Variants in CD99 observed in about 807,000 individuals in gnomAD.
CD99 encodes the protein CD99 molecule (Xg blood group).
In CD99, 19 loss-of-function variants were observed where a neutral mutation model predicts 28.4. The observed-to-expected ratio is 0.67, with a 90% CI of 0.47 to 0.98. The LOEUF is 0.98. Ranked by LOEUF, CD99 falls within the 50% of genes least tolerant of loss-of-function variation. The probability of loss-of-function intolerance (pLI) is 0.00; values close to 1 mark genes in which losing one functional copy is unlikely to be tolerated. For missense variants in CD99, 283 were observed against 248.8 expected (o/e 1.14, Z -0.92); for synonymous variants, 103 against 92.1 (o/e 1.12, Z -0.67).
intron 3 of CD99, among the ~76,000 whole-genome samples, chrX:2,718,369 CT>C (rs750689789): frequency 1.6e-3 from 218 of 136,884 alleles, no homozygotes; most frequent in Admixed American, 2.2e-3. Flanking sequence ...TTCTTTCTTT[CT>C]TTTTTTTTTT....
At chrX:2,739,745 T>C (rs1399241227) in intron 9 of CD99, among the ~76,000 whole-genome samples, 2 of 149,944 alleles carry the variant, frequency 1.3e-5, no homozygotes, top group African/African-American at 4.9e-5. Flanking sequence ...TGAGCCACCG[T>C]GCCTGGCATT....
At chrX:2,710,722 T>C (rs948151823) in intron 1 of CD99, among the ~76,000 whole-genome samples, 38 of 152,210 alleles carry the variant, frequency 2.5e-4, no homozygotes, top group African/African-American at 8.9e-4. Context: ...AAGTCACGTC[T>C]ACCGCTGAGG....
chrX:2,704,945 G>A (rs2048048883), intron 1 of CD99, among the ~76,000 whole-genome samples: 1 of 152,062 alleles, frequency 6.6e-6, no homozygotes, highest in Non-Finnish European at 1.5e-5. Context: ...GAACTCCTGG[G>A]CTCAAGCAAT....
rs778599932 is a variant in CD99 at position 2,720,431 on chromosome X, G to A, written c.262+7G>A. On this transcript the variant is annotated splice_region_variant and intron_variant, in intron 5 of 9. Coordinates refer to ENST00000381192, the MANE Select transcript of CD99 (RefSeq NM_002414.5). ...AACCACCCTAGTTCCTCCGGTAAGA[G>A]TCTCTGACCCTGTGGGATGTCTTCA... 5 of 1,613,082 alleles carry A rather than the reference G, an allele frequency of 3.1e-6. No individual in the cohort carries two copies. In the Admixed American group the frequency reaches 8.3e-5, roughly 27 times the overall value.
At chrX:2,699,972 G>A (rs1414496836) in intron 1 of CD99, among the ~76,000 whole-genome samples, 2 of 152,174 alleles carry the variant, frequency 1.3e-5, no homozygotes, top group Non-Finnish European at 2.9e-5. Flanking sequence ...TATTTCTCAT[G>A]GGCCTTTTGT....
chrX:2,709,936 A>G (rs2048323255), intron 1 of CD99, among the ~76,000 whole-genome samples: 1 of 152,168 alleles, frequency 6.6e-6, no homozygotes, highest in South Asian at 2.1e-4. Context: ...CCAGGGACAG[A>G]TGCAAAAACC....
intron 8 of CD99, among the ~76,000 whole-genome samples, chrX:2,736,058 T>C (rs5982843): frequency 0.024 from 3,582 of 151,518 alleles, 113 homozygotes; most frequent in Middle Eastern, 0.075. Flanking sequence ...AAAAATTAGC[T>C]GGGCATGGTG....
chrX:2,706,456 C>G (rs951300879), intron 1 of CD99, among the ~76,000 whole-genome samples: 1 of 152,198 alleles, frequency 6.6e-6, no homozygotes, highest in Non-Finnish European at 1.5e-5. Flanking sequence ...CCCTCTGCAC[C>G]ACCTCCTCCT....
intron 3 of CD99, 30 bp downstream of exon 3, chrX:2,717,682 G>C: frequency 1.9e-6 from 3 of 1,599,658 alleles, no homozygotes; most frequent in Non-Finnish European, 2.6e-6. Flanking sequence ...AGTATGCAAA[G>C]AAAAAGAGCA....
At chrX:2,736,062 C>T (rs2049918153) in intron 8 of CD99, among the ~76,000 whole-genome samples, 1 of 151,758 alleles carries the variant, frequency 6.6e-6, no homozygotes, top group Non-Finnish European at 1.5e-5. Flanking sequence ...ATTAGCTGGG[C>T]ATGGTGGCGG....
At chrX:2,696,193 G>A (rs773344444) in intron 1 of CD99, among the ~76,000 whole-genome samples, 1 of 152,278 alleles carries the variant, frequency 6.6e-6, no homozygotes, top group South Asian at 2.1e-4. Context: ...GGCAGAGAAA[G>A]GCTGGTTATT....
At chrX:2,720,335 A>G in intron 4 of CD99, 21 bp from the exon 5 acceptor site, 2 of 1,612,688 alleles carry the variant, frequency 1.2e-6, no homozygotes, top group Non-Finnish European at 1.7e-6. Context: ...TAAAATTGCA[A>G]CTCTCATCTT....
chrX:2,733,219 C>A, intron 8 of CD99: 1 of 872,428 alleles, frequency 1.1e-6, no homozygotes, highest in Non-Finnish European at 1.9e-6. Flanking sequence ...GAGCCTCTAT[C>A]CCATTACTTC....
intron 1 of CD99, 136 bp from the exon 2 acceptor site, chrX:2,714,286 C>T (rs761071287): frequency 1.9e-5 from 12 of 647,852 alleles, no homozygotes; most frequent in South Asian, 1.4e-4. Context: ...AGAGAAATCA[C>T]GCACCTTGTA....
chrX:2,698,108 C>T (rs1050321150), intron 1 of CD99, among the ~76,000 whole-genome samples: 2 of 152,000 alleles, frequency 1.3e-5, no homozygotes, highest in Non-Finnish European at 2.9e-5. Flanking sequence ...TACTCTTAAA[C>T]CACAAGCCCC....
intron 1 of CD99, chrX:2,692,276 A>AT (rs2047352992): frequency 3.9e-6 from 1 of 255,042 alleles, no homozygotes; most frequent in South Asian, 4.6e-5. Flanking sequence ...TGGTCAGTGC[A>AT]TTTTTTGCTC....
At chrX:2,738,779 A>G (rs1325934966) in intron 9 of CD99, among the ~76,000 whole-genome samples, 2 of 151,860 alleles carry the variant, frequency 1.3e-5, no homozygotes, top group South Asian at 2.1e-4. Flanking sequence ...GGAAGTCCAC[A>G]GCTGGCTGGT....
chrX:2,713,025 A>C (rs1210597018), intron 1 of CD99, among the ~76,000 whole-genome samples: 1 of 151,616 alleles, frequency 6.6e-6, no homozygotes, highest in Admixed American at 6.6e-5. Context: ...CAAACACACA[A>C]ATGCACACAC....
chrX:2,725,715 G>A (rs190397128), intron 7 of CD99, among the ~76,000 whole-genome samples: 2,820 of 152,284 alleles, frequency 0.019, 83 homozygotes, highest in African/African-American at 0.057. Flanking sequence ...CCAGGTTCAA[G>A]CGATTCTCTG....
Sources: gnomAD v4.1 joint callset for allele counts (sites outside exome capture counted in the v4.1 genomes callset) on GRCh38, gnomAD v4.1.1 for gene constraint, MANE v1.5 for transcripts, NCBI Gene and HGNC (gene_info 2026-07-23, HGNC 2026-07-21) for gene names.